The following SLC8A1 variants were observed in gnomAD, a reference collection of about 807,000 sequenced individuals.
The protein encoded by SLC8A1 is solute carrier family 8 member A1.
SLC8A1 carries 18 observed loss-of-function variants against 68.3 expected under a neutral mutation model. The ratio of observed to expected loss-of-function variants is 0.26; its 90% CI spans 0.18 to 0.39. SLC8A1 has a LOEUF of 0.39. Ranked by LOEUF, SLC8A1 falls within the 10% of genes least tolerant of loss-of-function variation. The pLI is 1.00. For missense variants in SLC8A1, 985 were observed against 1,156.7 expected (o/e 0.85, Z 2.15); for synonymous variants, 475 against 415.5 (o/e 1.14, Z -1.74).
chr2:40,302,307 A>G (rs1224687404), intron 2 of SLC8A1, among the ~76,000 whole-genome samples: 1 of 151,816 alleles, frequency 6.6e-6, no homozygotes, highest in Non-Finnish European at 1.5e-5. Context: ...GCTCCCATTT[A>G]TGAGTGAGAA....
At chr2:40,130,283 G>A (rs1372319786) in intron 7 of SLC8A1, among the ~76,000 whole-genome samples, 1 of 152,210 alleles carries the variant, frequency 6.6e-6, no homozygotes, top group South Asian at 2.1e-4. Context: ...GCCATTTATA[G>A]AGAAAATCTT....
chr2:40,179,092 C>G (rs1202952576), intron 2 of SLC8A1, among the ~76,000 whole-genome samples: 1 of 152,126 alleles, frequency 6.6e-6, no homozygotes, highest in East Asian at 1.9e-4. Context: ...GAATCAAACT[C>G]TTATTCAGGT....
intron 2 of SLC8A1, among the ~76,000 whole-genome samples, chr2:40,307,988 A>C (rs143306558): frequency 2.0e-4 from 31 of 152,332 alleles, no homozygotes; most frequent in East Asian, 1.7e-3. Context: ...AAAATAAATA[A>C]ATAAATGAAA....
At chr2:40,122,862 C>T (rs567583916) in intron 7 of SLC8A1, among the ~76,000 whole-genome samples, 2 of 152,244 alleles carry the variant, frequency 1.3e-5, no homozygotes, top group South Asian at 4.1e-4. Context: ...TGAATGTTTG[C>T]ACTTTATGGA....
In SLC8A1 at chr2:40,435,122, C is replaced by G. The variant is rs114819086; in HGVS notation, c.-24-4818G>C. 7.4e-3 allele frequency among the ~76,000 whole-genome samples: 1,119 copies of G among 152,236 alleles called. 14 individuals carry two copies. The highest frequency in any genetic ancestry group is 0.025 in the African/African-American group (1,058 of 41,548). ...CTAATGGCATCCTCTTGATTGGCAG[C>G]TGGGGTTATTCCAAGGAACTCCTTG... On this transcript the variant is annotated intron_variant, in intron 1 of 7. Transcript: ENST00000406785.
intron 1 of SLC8A1, among the ~76,000 whole-genome samples, chr2:40,490,811 T>C (rs991058629): frequency 1.3e-5 from 2 of 152,140 alleles, no homozygotes; most frequent in African/African-American, 4.8e-5. Context: ...AGTTTTATAA[T>C]GACTGAAATC....
At chr2:40,198,657 A>G (rs2053550934) in intron 2 of SLC8A1, among the ~76,000 whole-genome samples, 1 of 151,858 alleles carries the variant, frequency 6.6e-6, no homozygotes. Context: ...AAAGTCAGAG[A>G]CCTTGATATT....
intron 5 of SLC8A1, among the ~76,000 whole-genome samples, chr2:40,164,088 C>T (rs2046138282): frequency 6.6e-6 from 1 of 152,186 alleles, no homozygotes. Flanking sequence ...TCATATCCCA[C>T]TGCAGAACTG....
At chr2:40,365,640 A>AT (rs1465754265) in intron 2 of SLC8A1, among the ~76,000 whole-genome samples, 1 of 152,034 alleles carries the variant, frequency 6.6e-6, no homozygotes, top group Non-Finnish European at 1.5e-5. Flanking sequence ...TTGGTTGATG[A>AT]CCTGTCTATA....
At chr2:40,180,436 A>C (rs1202180598) in intron 2 of SLC8A1, among the ~76,000 whole-genome samples, 1 of 152,222 alleles carries the variant, frequency 6.6e-6, no homozygotes, top group East Asian at 1.9e-4. Context: ...CCTCTTTGTC[A>C]ACAAAACTTA....
chr2:40,253,045 A>ACG (rs2063155709), intron 2 of SLC8A1, among the ~76,000 whole-genome samples: 1 of 86,330 alleles, frequency 1.2e-5, no homozygotes, highest in Admixed American at 1.3e-4. Flanking sequence ...GTATCAGTAT[A>ACG]TGTATATATG....
intron 2 of SLC8A1, among the ~76,000 whole-genome samples, chr2:40,286,412 C>A (rs974917211): frequency 6.6e-6 from 1 of 152,154 alleles, no homozygotes; most frequent in East Asian, 1.9e-4. Flanking sequence ...TGAGAGGTAA[C>A]CATGCTTGAG....
upstream of SLC8A1, among the ~76,000 whole-genome samples, chr2:40,452,967 T>A (rs1702736781): frequency 6.6e-6 from 1 of 152,186 alleles, no homozygotes. Context: ...AACCATTCTT[T>A]GCCCTTTCCA....
intron 2 of SLC8A1, among the ~76,000 whole-genome samples, chr2:40,217,082 A>AATGG (rs1212288586): frequency 6.1e-5 from 9 of 147,802 alleles, no homozygotes; most frequent in East Asian, 4.0e-4. Flanking sequence ...CCATGCCTAG[A>AATGG]TATTGCCTAG....
At chr2:40,402,321 C>G (rs1462298486) in intron 2 of SLC8A1, among the ~76,000 whole-genome samples, 3 of 152,170 alleles carry the variant, frequency 2.0e-5, no homozygotes, top group Non-Finnish European at 4.4e-5. Context: ...ACCCTCAGTT[C>G]CAAGAATTGC....
chr2:40,298,560 C>G (rs967320508), intron 2 of SLC8A1, among the ~76,000 whole-genome samples: 6 of 152,138 alleles, frequency 3.9e-5, no homozygotes, highest in African/African-American at 9.7e-5. Flanking sequence ...CACAAATATT[C>G]TGCTGTCCCT....
intron 2 of SLC8A1, among the ~76,000 whole-genome samples, chr2:40,409,837 G>A (rs141097724): frequency 6.6e-6 from 1 of 152,250 alleles, no homozygotes; most frequent in Non-Finnish European, 1.5e-5. Flanking sequence ...CCTTGATCCT[G>A]CTTTGCCTTC....
intron 2 of SLC8A1, among the ~76,000 whole-genome samples, chr2:40,237,979 C>G (rs576481390): frequency 6.6e-6 from 1 of 151,950 alleles, no homozygotes. Flanking sequence ...TCTCCAGCTG[C>G]GTGCTGGGAG....
intron 2 of SLC8A1, among the ~76,000 whole-genome samples, chr2:40,379,957 T>G (rs1681189368): frequency 6.6e-6 from 1 of 152,118 alleles, no homozygotes; most frequent in Non-Finnish European, 1.5e-5. Context: ...CTCATACTGT[T>G]AGAGATGTGA....
Sources: gnomAD v4.1 joint callset for allele counts (sites outside exome capture counted in the v4.1 genomes callset) on GRCh38, gnomAD v4.1.1 for gene constraint, MANE v1.5 for transcripts, NCBI Gene and HGNC (gene_info 2026-07-23, HGNC 2026-07-21) for gene names.